NUF2: variants seen among roughly 807,000 people sequenced by gnomAD.
NUF2 encodes the protein NUF2 component of NDC80 kinetochore complex.
Under a neutral mutation model 61.8 loss-of-function variants are expected in NUF2, and 34 were observed. That is an observed-to-expected ratio of 0.55 (90% CI 0.42 to 0.73). NUF2 has a LOEUF of 0.73. NUF2 is among the 30% of genes least tolerant of loss of function. The probability of loss-of-function intolerance (pLI) is 0.00; values close to 1 mark genes in which losing one functional copy is unlikely to be tolerated. For missense variants in NUF2, 445 were observed against 539.1 expected (o/e 0.83, Z 1.73); for synonymous variants, 172 against 181.6 (o/e 0.95, Z 0.42).
intron 13 of NUF2, among the ~76,000 whole-genome samples, chr1:163,350,697 C>G (rs532259010): frequency 6.6e-6 from 1 of 152,106 alleles, no homozygotes; most frequent in African/African-American, 2.4e-5. Context: ...GCTGTGTATT[C>G]GAATTCAGTG....
rs1027572201 is a variant in NUF2 at position 163,345,908 on chromosome 1, C to T, written c.948+90C>T. Reference sequence around the variant, plus strand: ...TGCTTTCACTTTTTGTTATGTTTTCCTAAAGAAAAACAGGGTCATTCTACA... The same window carrying T: ...TGCTTTCACTTTTTGTTATGTTTTCTTAAAGAAAAACAGGGTCATTCTACA... On this transcript the variant is annotated intron_variant, in intron 11 of 13. Transcript: ENST00000271452. 19 of 919,610 alleles carry T rather than the reference C, an allele frequency of 2.1e-5. No homozygotes were observed. In the Admixed American group the frequency reaches 3.5e-4, roughly 17 times the overall value. The allele number at this position is 919,610 out of a possible 1,614,324, so 57.0% of individuals were successfully genotyped here. A position where few individuals can be genotyped will look rare whatever the true frequency, so the allele number is the denominator to read the frequency against.
At chr1:163,346,678 A>G (rs73028139) in intron 11 of NUF2, among the ~76,000 whole-genome samples, 3,336 of 152,212 alleles carry the variant, frequency 0.022, 99 homozygotes, top group African/African-American at 0.068. Flanking sequence ...ACATAGCAAG[A>G]TGCTATCTCT....
chr1:163,349,455 T>C (rs1651239278), intron 13 of NUF2, among the ~76,000 whole-genome samples: 2 of 152,324 alleles, frequency 1.3e-5, no homozygotes, highest in Non-Finnish European at 2.9e-5. Context: ...TTCAAGAGTG[T>C]TCTACCAGAA....
intron 9 of NUF2, among the ~76,000 whole-genome samples, chr1:163,343,472 G>A (rs10799912): frequency 0.3 from 45,258 of 151,926 alleles, 6,928 homozygotes; most frequent in Middle Eastern, 0.44. Flanking sequence ...GTAGGGTGCA[G>A]TAGGGAACTG....
intron 9 of NUF2, among the ~76,000 whole-genome samples, chr1:163,342,534 G>A (rs2101682943): frequency 6.6e-6 from 1 of 152,154 alleles, no homozygotes; most frequent in Admixed American, 6.5e-5. Flanking sequence ...TTCAGTTTTG[G>A]CGTCTGAGTT....
chr1:163,338,217 T>G, intron 7 of NUF2, 124 bp downstream of exon 7: 1 of 551,714 alleles, frequency 1.8e-6, no homozygotes. Flanking sequence ...AATAGCAGAG[T>G]ATTTGAGTTT....
At chr1:163,339,328 T>C (rs1650863592) in intron 7 of NUF2, 53 bp from the exon 8 acceptor site, 4 of 1,080,704 alleles carry the variant, frequency 3.7e-6, no homozygotes, top group Non-Finnish European at 5.6e-6. Context: ...GGTATTTCAT[T>C]TTAGCCTTTC....
intron 1 of NUF2, among the ~76,000 whole-genome samples, chr1:163,325,557 A>G (rs957966739): frequency 2.6e-5 from 4 of 152,138 alleles, no homozygotes; most frequent in Non-Finnish European, 5.9e-5. Flanking sequence ...CTTATTAGCC[A>G]TCTCACTATA....
intron 13 of NUF2, among the ~76,000 whole-genome samples, chr1:163,353,086 G>A (rs1651376187): frequency 6.6e-6 from 1 of 152,118 alleles, no homozygotes; most frequent in Non-Finnish European, 1.5e-5. Context: ...ATTAATTACA[G>A]TGAAATAAAA....
chr1:163,325,092 T>G (rs1230390907), intron 1 of NUF2, among the ~76,000 whole-genome samples: 1 of 152,092 alleles, frequency 6.6e-6, no homozygotes, highest in African/African-American at 2.4e-5. Flanking sequence ...AGATAGGGTT[T>G]CATCATGTTG....
At position 163,321,974 on chromosome 1, in the gene NUF2, A is replaced by G. The variant is rs1179680802; in HGVS notation, c.-259A>G. ...CTTCCAGTAGGAGGCGGCAAGTTTGAAAAGTGATGACGGTTGACGTTTGCT... is the reference window on the plus strand; with the variant it reads ...CTTCCAGTAGGAGGCGGCAAGTTTGGAAAGTGATGACGGTTGACGTTTGCT... On this transcript the variant is annotated 5_prime_UTR_variant, in exon 1 of 14. Transcript: ENST00000271452. 1 of 152,272 alleles carries G rather than the reference A, an allele frequency of 6.6e-6. No individual in the cohort carries two copies. Among genetic ancestry groups the G allele is most frequent in the Non-Finnish European group, 1.5e-5 (1 of 68,114 alleles). 9.4% of individuals were successfully genotyped at this position (152,272 alleles called of 1,614,324 possible). A position where few individuals can be genotyped will look rare whatever the true frequency, so the allele number is the denominator to read the frequency against.
At position 163,338,024 on chromosome 1, in the gene NUF2, C is replaced by G. The variant is rs1222770810; in HGVS notation, c.440C>G (p.Ser147Cys). ...TGATTAAAATTGCTTTAATAGAAAT[C>G]CTCTGCGGACAAAATGCAACAGTTA... Reference protein sequence around the residue: ...TYMEFLWQYKSSADKMQQLNA... With the variant: ...TYMEFLWQYKCSADKMQQLNA... The change falls in exon 7 of 14, where the codon TCC becomes TGC. Residue 147 changes from serine to cysteine, a missense_variant. Physicochemically the swap from Ser to Cys is moderately radical, Grantham distance 112 (BLOSUM62 -1). Transcript: ENST00000271452. 2.8e-5 allele frequency: 45 copies of G among 1,612,306 alleles called. No homozygotes were observed. Among genetic ancestry groups the G allele is most frequent in the Non-Finnish European group, 3.6e-5 (43 of 1,178,758 alleles).
At chr1:163,353,178 G>C (rs1329363059) in intron 13 of NUF2, among the ~76,000 whole-genome samples, 1 of 152,110 alleles carries the variant, frequency 6.6e-6, no homozygotes, top group African/African-American at 2.4e-5. Context: ...GTTCATTTAG[G>C]AAAGAAACCA....
intron 1 of NUF2, among the ~76,000 whole-genome samples, chr1:163,323,733 A>T (rs564087983): frequency 6.6e-6 from 1 of 152,312 alleles, no homozygotes; most frequent in Non-Finnish European, 1.5e-5. Context: ...AGAAAAAAAA[A>T]TAGACAAAAC....
In NUF2 at chr1:163,330,604, C is replaced by T. The variant is rs558399197; in HGVS notation, c.337+1697C>T. 4.6e-5 allele frequency among the ~76,000 whole-genome samples: 7 copies of T among 152,160 alleles called. No individual in the cohort carries two copies. The South Asian group carries it at 1.5e-3, about 32-fold the overall frequency. On this transcript the variant is annotated intron_variant, in intron 5 of 13. Coordinates refer to ENST00000271452, the MANE Select transcript of NUF2 (RefSeq NM_145697.3). Reference sequence around the variant, plus strand: ...CTTGTCACTTTCTACCCTTCTTCCCCTGAAAAAGCCATTTTGATTGAGATT... The same window carrying T: ...CTTGTCACTTTCTACCCTTCTTCCCTTGAAAAAGCCATTTTGATTGAGATT...
At position 163,354,574 on chromosome 1, in the gene NUF2, A is replaced by T. The variant is rs538632330; in HGVS notation, c.1261-761A>T. Among the ~76,000 whole-genome samples, 9 of 152,184 alleles carry T rather than the reference A, an allele frequency of 5.9e-5. No homozygotes were observed. In the South Asian group the frequency reaches 1.9e-3, roughly 32 times the overall value. The stretch of plus-strand genomic sequence containing the variant: ...GGGAGAGACACTTAAAATTGAGAAC[A>T]TTGTATTCATTTACTGCTTTTCTTC... On this transcript the variant is annotated intron_variant, in intron 13 of 13. Coordinates refer to ENST00000271452, the MANE Select transcript of NUF2 (RefSeq NM_145697.3).
intron 5 of NUF2, among the ~76,000 whole-genome samples, chr1:163,329,802 A>C (rs1371275170): frequency 1.3e-5 from 2 of 152,236 alleles, no homozygotes; most frequent in African/African-American, 4.8e-5. Flanking sequence ...TAATTACCAG[A>C]ATTTGAAAGT....
chr1:163,340,177 T>C, intron 8 of NUF2, 187 bp from the exon 9 acceptor site: 1 of 521,594 alleles, frequency 1.9e-6, no homozygotes, highest in East Asian at 3.3e-5. Flanking sequence ...TATTTGGAGT[T>C]AACTACTTAG....
At chr1:163,338,396 G>A (rs1479593294) in intron 7 of NUF2, among the ~76,000 whole-genome samples, 1 of 151,926 alleles carries the variant, frequency 6.6e-6, no homozygotes, top group African/African-American at 2.4e-5. Context: ...TCTTATGTAG[G>A]TGAGCAGTAA....
Sources: allele counts gnomAD v4.1 joint callset (sites outside exome capture counted in the v4.1 genomes callset), GRCh38; gene constraint gnomAD v4.1.1; transcripts MANE v1.5; gene names NCBI Gene and HGNC (gene_info 2026-07-23, HGNC 2026-07-21).